GRID2: variants seen among roughly 807,000 people sequenced by gnomAD.
GRID2 encodes the protein glutamate ionotropic receptor delta type subunit 2.
Under a neutral mutation model 114.8 loss-of-function variants are expected in GRID2, and 33 were observed. That is an observed-to-expected ratio of 0.29 (90% CI 0.22 to 0.38). GRID2 has a LOEUF of 0.38. Among genes scored for constraint, GRID2 ranks in the 10% least tolerant of loss-of-function variants. The pLI is 1.00. For missense variants in GRID2, 1,184 were observed against 1,257.7 expected (o/e 0.94, Z 0.89); for synonymous variants, 505 against 449.9 (o/e 1.12, Z -1.55).
intron 2 of GRID2, among the ~76,000 whole-genome samples, chr4:92,870,337 C>A (rs964433015): frequency 6.6e-6 from 1 of 152,026 alleles, no homozygotes; most frequent in East Asian, 1.9e-4. Context: ...TCCTCTTCCA[C>A]AGGAGTTTAA....
chr4:93,491,546 C>T (rs1727012813), intron 12 of GRID2, among the ~76,000 whole-genome samples: 1 of 151,780 alleles, frequency 6.6e-6, no homozygotes, highest in Admixed American at 6.6e-5. Flanking sequence ...CTTATTAGAA[C>T]ATAATGTTCT....
intron 4 of GRID2, among the ~76,000 whole-genome samples, chr4:93,154,635 A>G (rs1328705990): frequency 6.6e-6 from 1 of 152,060 alleles, no homozygotes; most frequent in Non-Finnish European, 1.5e-5. Context: ...AAATATCTTA[A>G]AAGTATCTGA....
At chr4:92,588,514 C>T (rs950436416) in intron 1 of GRID2, among the ~76,000 whole-genome samples, 4 of 150,266 alleles carry the variant, frequency 2.7e-5, no homozygotes, top group Admixed American at 2.7e-4. Flanking sequence ...GTCCCTACTA[C>T]AAATACAAAA....
At chr4:93,382,194 A>G (rs1198579151) in intron 8 of GRID2, among the ~76,000 whole-genome samples, 1 of 152,006 alleles carries the variant, frequency 6.6e-6, no homozygotes, top group Non-Finnish European at 1.5e-5. Context: ...TTTTGTCTTC[A>G]TCATTTCAAA....
At chr4:93,662,717 G>A (rs562609976) in intron 14 of GRID2, among the ~76,000 whole-genome samples, 1 of 152,144 alleles carries the variant, frequency 6.6e-6, no homozygotes, top group Admixed American at 6.5e-5. Flanking sequence ...TTTATATTAG[G>A]CTATCAAAAT....
At chr4:93,065,177 C>A (rs2149297951) in intron 2 of GRID2, among the ~76,000 whole-genome samples, 1 of 151,552 alleles carries the variant, frequency 6.6e-6, no homozygotes, top group South Asian at 2.1e-4. Flanking sequence ...AGAAAAAAAC[C>A]CAAGTGAGTT....
chr4:93,236,792 C>T lies in GRID2; in HGVS notation c.1126-1579C>T, dbSNP rs181591405. ...AGTTGACATTTGCAAAAATATTTTC[C>T]AAAGCCATCTAAATATTTAAGCGTA... On this transcript the variant is annotated intron_variant, in intron 7 of 15. Transcript: ENST00000282020. 6.6e-5 allele frequency among the ~76,000 whole-genome samples: 10 copies of T among 152,054 alleles called. No homozygotes were observed. In the East Asian group the frequency reaches 1.9e-3, roughly 29 times the overall value.
In GRID2 at chr4:92,724,615, T is replaced by C. The variant is rs529777070; in HGVS notation, c.244+134329T>C. ...TATTTCTTTGACTATAGTCATGTAATAGACAAAAGCACAAATGTGGTGTCT... is the reference window on the plus strand; with the variant it reads ...TATTTCTTTGACTATAGTCATGTAACAGACAAAAGCACAAATGTGGTGTCT... On this transcript the variant is annotated intron_variant, in intron 2 of 15. Transcript: ENST00000282020. Among the ~76,000 whole-genome samples the C allele has an allele frequency of 2.0e-4, 30 of 152,316 alleles. No individual in the cohort carries two copies. In the East Asian group the frequency reaches 5.0e-3, roughly 25 times the overall value.
rs10551052 is a variant in GRID2, at chr4:92,448,131, TTATGTATGTATGTATG to T, written c.89-141964_89-141949del. ...TAGAGTAGTAGTATTGATTTTTATT[TTATGTATGTATGTATG>T]TATGTATGTATGTATGTATGTATGT... On this transcript the variant is annotated intron_variant, in intron 1 of 15. Coordinates refer to ENST00000282020, the MANE Select transcript of GRID2 (RefSeq NM_001510.4). Among the ~76,000 whole-genome samples the T allele has an allele frequency of 4.1e-3, 594 of 145,482 alleles. 3 individuals carry two copies. Among genetic ancestry groups the T allele is most frequent in the African/African-American group, 7.8e-3 (305 of 39,098 alleles).
At chr4:92,460,965 G>A (rs1050728024) in intron 1 of GRID2, among the ~76,000 whole-genome samples, 6 of 151,464 alleles carry the variant, frequency 4.0e-5, no homozygotes, top group African/African-American at 2.4e-5. Context: ...TATATATAAC[G>A]CTAACCTATT....
chr4:93,555,306 T>C (rs1399129481), intron 13 of GRID2, among the ~76,000 whole-genome samples: 1 of 152,036 alleles, frequency 6.6e-6, no homozygotes, highest in Middle Eastern at 3.2e-3. Flanking sequence ...AGCCAAGTGG[T>C]CTAGCTCAGT....
chr4:93,366,906 A>G (rs1356446869), intron 8 of GRID2, among the ~76,000 whole-genome samples: 2 of 152,002 alleles, frequency 1.3e-5, no homozygotes, highest in African/African-American at 4.8e-5. Flanking sequence ...TAATTTGAAA[A>G]AGAATATATA....
chr4:92,780,925 T>A (rs1386527842), intron 2 of GRID2, among the ~76,000 whole-genome samples: 1 of 152,042 alleles, frequency 6.6e-6, no homozygotes, highest in Non-Finnish European at 1.5e-5. Flanking sequence ...CTTGTCAGGG[T>A]TTTTGATCGT....
intron 8 of GRID2, among the ~76,000 whole-genome samples, chr4:93,348,780 A>G (rs1486634881): frequency 6.6e-6 from 1 of 152,166 alleles, no homozygotes; most frequent in Non-Finnish European, 1.5e-5. Flanking sequence ...ACGTAGAGGG[A>G]AAACAATCAA....
chr4:93,577,863 G>C (rs1736573370), intron 13 of GRID2, among the ~76,000 whole-genome samples: 1 of 152,108 alleles, frequency 6.6e-6, no homozygotes, highest in African/African-American at 2.4e-5. Context: ...ACTTAACTCA[G>C]GTCATATTGT....
chr4:93,788,299 C>T (rs906614496), intron 1 of GRID2, among the ~76,000 whole-genome samples: 3 of 150,602 alleles, frequency 2.0e-5, no homozygotes, highest in African/African-American at 7.4e-5. Context: ...GCCAGGGTGA[C>T]AGAGCGAGAC....
intron 1 of GRID2, among the ~76,000 whole-genome samples, chr4:92,315,993 C>CAAAAAAA (rs778361565): frequency 0.056 from 3,288 of 58,444 alleles, no homozygotes; most frequent in Non-Finnish European, 0.071. Flanking sequence ...AAACAAAAAG[C>CAAAAAAA]AAAAAAAAAA....
At chr4:93,649,469 T>G (rs1232192167) in intron 14 of GRID2, among the ~76,000 whole-genome samples, 3 of 152,178 alleles carry the variant, frequency 2.0e-5, no homozygotes, top group African/African-American at 7.2e-5. Context: ...TTGTTTGGTT[T>G]TCATGGAGGG....
intron 2 of GRID2, among the ~76,000 whole-genome samples, chr4:92,741,144 C>T (rs1229892792): frequency 1.3e-5 from 2 of 152,130 alleles, no homozygotes; most frequent in Non-Finnish European, 2.9e-5. Flanking sequence ...ACGTCTCTTA[C>T]TTTGGATATA....
Sources: gnomAD v4.1 joint callset for allele counts (sites outside exome capture counted in the v4.1 genomes callset) on GRCh38, gnomAD v4.1.1 for gene constraint, MANE v1.5 for transcripts, NCBI Gene and HGNC (gene_info 2026-07-23, HGNC 2026-07-21) for gene names.